FCHO2: variants seen among roughly 807,000 people sequenced by gnomAD.
FCHO2 encodes the protein F-BAR domain only protein 2.
A neutral mutation model predicts 114.1 loss-of-function variants in FCHO2; 43 were observed. That is an observed-to-expected ratio of 0.38 (90% CI 0.30 to 0.49). The LOEUF (loss-of-function observed/expected upper bound fraction) is 0.49. FCHO2 is among the 20% of genes least tolerant of loss of function. The pLI is 0.97. For synonymous variants in FCHO2, 293 were observed against 315.2 expected (o/e 0.93, Z 0.75); for missense variants, 807 against 950.4 (o/e 0.85, Z 1.98).
intron 1 of FCHO2, among the ~76,000 whole-genome samples, chr5:72,964,678 G>A (rs1035924575): frequency 2.6e-5 from 4 of 152,134 alleles, no homozygotes; most frequent in Non-Finnish European, 4.4e-5. Flanking sequence ...GTGAGCTACC[G>A]CGCCTGAGCA....
intron 18 of FCHO2, among the ~76,000 whole-genome samples, chr5:73,065,151 A>G (rs184613501): frequency 6.6e-6 from 1 of 152,170 alleles, no homozygotes; most frequent in East Asian, 1.9e-4. Context: ...ACTTAGTGGA[A>G]GTAAAATAAA....
intron 22 of FCHO2, 144 bp downstream of exon 22, chr5:73,078,456 GC>G: frequency 1.3e-6 from 1 of 771,774 alleles, no homozygotes; most frequent in Non-Finnish European, 2.0e-6. Flanking sequence ...CTGTTTATAA[GC>G]CAGTGGAGAT....
At chr5:73,086,617 T>C (rs1334038557) in intron 24 of FCHO2, among the ~76,000 whole-genome samples, 1 of 152,216 alleles carries the variant, frequency 6.6e-6, no homozygotes, top group Non-Finnish European at 1.5e-5. Flanking sequence ...CCCCCTTTCC[T>C]ATCATCTAGA....
At chr5:73,075,376 A>G (rs1030365424) in intron 20 of FCHO2, among the ~76,000 whole-genome samples, 11 of 152,162 alleles carry the variant, frequency 7.2e-5, no homozygotes, top group African/African-American at 2.2e-4. Flanking sequence ...AGAGGGAACC[A>G]GTGAGTGTAA....
rs1276926897 is a variant in FCHO2 at position 73,053,374 on chromosome 5, A to C, written c.1174-786A>C. Reference sequence around the variant, plus strand: ...CCATTACTATTTAACGTTAAGATTAATGTTGAAGTACAGAGTTGCTTAAAA... The same window carrying C: ...CCATTACTATTTAACGTTAAGATTACTGTTGAAGTACAGAGTTGCTTAAAA... On this transcript the variant is annotated intron_variant, in intron 13 of 25. Coordinates refer to ENST00000430046, the MANE Select transcript of FCHO2 (RefSeq NM_138782.3). Among the ~76,000 whole-genome samples the C allele has an allele frequency of 6.6e-5, 10 of 152,162 alleles. No homozygotes were observed. The East Asian group carries it at 1.3e-3, about 21-fold the overall frequency.
At chr5:72,982,099 T>C (rs1397204660) in intron 2 of FCHO2, among the ~76,000 whole-genome samples, 1 of 152,170 alleles carries the variant, frequency 6.6e-6, no homozygotes, top group African/African-American at 2.4e-5. Flanking sequence ...AAAAGCGTAG[T>C]ATCTGGGCTG....
In FCHO2 at chr5:73,078,280, T is replaced by G. The variant is rs778923465; in HGVS notation, c.1948T>G (p.Ser650Ala). 8.7e-5 allele frequency: 139 copies of G among 1,602,468 alleles called. No individual in the cohort carries two copies. Among genetic ancestry groups the G allele is most frequent in the South Asian group, 1.1e-4 (10 of 88,466 alleles). The change falls in exon 22 of 26, where the codon TCT becomes GCT. Residue 650 changes from serine to alanine, a missense_variant. Coordinates refer to ENST00000430046, the MANE Select transcript of FCHO2 (RefSeq NM_138782.3). The stretch of plus-strand genomic sequence containing the variant: ...GCTGTCAGAGCAAAATCCAGCTGCT[T>G]CTTATTATAATGTAGATGTATTAAA... ...KKLSEQNPAA[S>A]YYNVDVLKYQ...
chr5:73,063,141 T>G (rs966708200), intron 17 of FCHO2, among the ~76,000 whole-genome samples: 1 of 152,216 alleles, frequency 6.6e-6, no homozygotes, highest in East Asian at 1.9e-4. Context: ...ATGACATTTA[T>G]CCAGTAATTT....
intron 1 of FCHO2, among the ~76,000 whole-genome samples, chr5:72,965,371 A>G (rs186939523): frequency 4.0e-4 from 61 of 152,362 alleles, no homozygotes; most frequent in Non-Finnish European, 7.6e-4. Context: ...CTAAAAATGT[A>G]TATACCTTAA....
At chr5:72,980,619 T>A (rs1449382039) in intron 2 of FCHO2, among the ~76,000 whole-genome samples, 1 of 152,200 alleles carries the variant, frequency 6.6e-6, no homozygotes, top group Non-Finnish European at 1.5e-5. Context: ...GCTTTATGAA[T>A]CTGGGTGCTC....
chr5:72,987,491 C>T (rs1008525521), intron 2 of FCHO2, among the ~76,000 whole-genome samples: 1 of 152,088 alleles, frequency 6.6e-6, no homozygotes, highest in African/African-American at 2.4e-5. Context: ...GCACCCACCA[C>T]CATGCTCAGC....
chr5:72,991,973 T>C (rs1169301141), intron 5 of FCHO2, among the ~76,000 whole-genome samples: 1 of 152,184 alleles, frequency 6.6e-6, no homozygotes, highest in East Asian at 1.9e-4. Flanking sequence ...CCAAATCAAC[T>C]CAGAAATTAA....
In FCHO2 at chr5:73,031,808, G is replaced by A. The variant is rs140356401; in HGVS notation, c.797-2849G>A. On this transcript the variant is annotated intron_variant, in intron 8 of 25. Coordinates refer to ENST00000430046, the MANE Select transcript of FCHO2 (RefSeq NM_138782.3). ...AGCATCAGGAGACAGAGCCAAAATG[G>A]TTTTATTTGCTTTTATACAAACTAA... Among the ~76,000 whole-genome samples the A allele has an allele frequency of 1.7e-3, 263 of 152,212 alleles. No homozygotes were observed. The Middle Eastern group carries it at 0.034, about 20-fold the overall frequency.
At chr5:72,965,921 G>A (rs2112595278) in intron 1 of FCHO2, among the ~76,000 whole-genome samples, 1 of 152,264 alleles carries the variant, frequency 6.6e-6, no homozygotes, top group African/African-American at 2.4e-5. Context: ...GGTTAGGCAT[G>A]TTATTGGTGT....
chr5:73,022,421 C>T (rs1755676389), intron 8 of FCHO2, among the ~76,000 whole-genome samples: 1 of 152,026 alleles, frequency 6.6e-6, no homozygotes, highest in Admixed American at 6.6e-5. Context: ...CAATTTTTCC[C>T]ACTCTGCTTT....
intron 8 of FCHO2, among the ~76,000 whole-genome samples, chr5:73,022,895 C>G (rs1052705015): frequency 6.6e-6 from 1 of 152,136 alleles, no homozygotes; most frequent in Admixed American, 6.6e-5. Flanking sequence ...TCATAGCTGG[C>G]AAGGAAGACA....
chr5:72,958,796 T>G (rs1341088626), intron 1 of FCHO2, among the ~76,000 whole-genome samples: 1 of 152,258 alleles, frequency 6.6e-6, no homozygotes, highest in African/African-American at 2.4e-5. Flanking sequence ...CTTGTAAATG[T>G]TATGCATATT....
At chr5:73,006,395 GAAAA>G (rs766123126) in intron 5 of FCHO2, 46 bp from the exon 6 acceptor site, 12 of 1,137,618 alleles carry the variant, frequency 1.1e-5, no homozygotes, top group Non-Finnish European at 1.3e-5. Flanking sequence ...CATTAGGAAA[GAAAA>G]AAGGTCAATG....
At chr5:72,981,693 G>C (rs1252374503) in intron 2 of FCHO2, among the ~76,000 whole-genome samples, 1 of 152,032 alleles carries the variant, frequency 6.6e-6, no homozygotes, top group Non-Finnish European at 1.5e-5. Context: ...ATTTCATTAA[G>C]TTGATCTTCA....
Sources: allele counts gnomAD v4.1 joint callset (sites outside exome capture counted in the v4.1 genomes callset), GRCh38; gene constraint gnomAD v4.1.1; transcripts MANE v1.5; gene names NCBI Gene and HGNC (gene_info 2026-07-23, HGNC 2026-07-21).